CCBE1: variants seen among roughly 807,000 people sequenced by gnomAD.
CCBE1 encodes collagen and calcium binding EGF domains 1, also known as collagen and calcium-binding EGF domain-containing protein 1.
Under a neutral mutation model 50.0 loss-of-function variants are expected in CCBE1, and 37 were observed. The ratio of observed to expected loss-of-function variants is 0.74; its 90% CI spans 0.57 to 0.97. The LOEUF is 0.97. Ranked by LOEUF, CCBE1 falls within the 50% of genes least tolerant of loss-of-function variation. The pLI is 0.00. For synonymous variants in CCBE1, 234 were observed against 203.7 expected (o/e 1.15, Z -1.27); for missense variants, 538 against 523.8 (o/e 1.03, Z -0.26).
At chr18:59,515,184 A>T (rs529427879) in intron 2 of CCBE1, among the ~76,000 whole-genome samples, 1 of 152,352 alleles carries the variant, frequency 6.6e-6, no homozygotes, top group African/African-American at 2.4e-5. Flanking sequence ...ACACGGTTGC[A>T]ACCTACACGT....
chr18:59,440,426 T>C (rs1032893020), intron 7 of CCBE1, among the ~76,000 whole-genome samples: 2 of 152,252 alleles, frequency 1.3e-5, no homozygotes, highest in Admixed American at 1.3e-4. Flanking sequence ...CTAAAACATC[T>C]GCTAGGCCTT....
intron 2 of CCBE1, among the ~76,000 whole-genome samples, chr18:59,658,740 C>T (rs1394216427): frequency 3.3e-5 from 5 of 151,250 alleles, no homozygotes; most frequent in Admixed American, 6.6e-5. Flanking sequence ...ATTAGCTGAG[C>T]GTGGTAGCGT....
intron 2 of CCBE1, among the ~76,000 whole-genome samples, chr18:59,612,330 G>GAAAAAA (rs5825351): frequency 1.5e-5 from 2 of 130,692 alleles, no homozygotes; most frequent in African/African-American, 2.9e-5. Flanking sequence ...AGAAAAAAAA[G>GAAAAAA]AAAAAAAAAA....
chr18:59,658,647 C>T (rs570889197), intron 2 of CCBE1, among the ~76,000 whole-genome samples: 38 of 150,026 alleles, frequency 2.5e-4, no homozygotes, highest in Middle Eastern at 6.8e-3. Context: ...TTTGGGAGGC[C>T]GAGGCAGGCA....
chr18:59,622,808 AAAAG>A (rs2053730545), intron 2 of CCBE1, among the ~76,000 whole-genome samples: 2 of 131,914 alleles, frequency 1.5e-5, no homozygotes, highest in Admixed American at 7.8e-5. Context: ...TCTCAAAAAA[AAAAG>A]AAAGAAAAAG....
At chr18:59,654,487 G>A (rs983165599) in intron 2 of CCBE1, among the ~76,000 whole-genome samples, 4 of 152,074 alleles carry the variant, frequency 2.6e-5, no homozygotes, top group Admixed American at 6.6e-5. Context: ...AGCTGGATGT[G>A]GTGGCACACA....
At chr18:59,595,678 A>G (rs2053340377) in intron 2 of CCBE1, among the ~76,000 whole-genome samples, 1 of 152,250 alleles carries the variant, frequency 6.6e-6, no homozygotes, top group African/African-American at 2.4e-5. Flanking sequence ...TTAAAAGGTA[A>G]ACATGTATGA....
intron 2 of CCBE1, among the ~76,000 whole-genome samples, chr18:59,531,776 C>A (rs1306685496): frequency 1.3e-5 from 2 of 152,088 alleles, no homozygotes; most frequent in African/African-American, 2.4e-5. Flanking sequence ...CTCCTGCAAG[C>A]CTACAGATCA....
At chr18:59,441,749 A>C (rs766355137) in intron 7 of CCBE1, among the ~76,000 whole-genome samples, 2 of 152,234 alleles carry the variant, frequency 1.3e-5, no homozygotes, top group Non-Finnish European at 2.9e-5. Context: ...TCATCAACAG[A>C]CTGCTCCCAG....
intron 2 of CCBE1, among the ~76,000 whole-genome samples, chr18:59,540,518 C>T (rs77702116): frequency 0.011 from 1,740 of 152,210 alleles, 24 homozygotes; most frequent in South Asian, 0.051. Flanking sequence ...GTGTTGCTGT[C>T]ATTCTATTTT....
At chr18:59,554,532 T>C (rs2052627908) in intron 2 of CCBE1, among the ~76,000 whole-genome samples, 1 of 152,146 alleles carries the variant, frequency 6.6e-6, no homozygotes, top group Non-Finnish European at 1.5e-5. Context: ...ATAGCTATAT[T>C]GTATTGACTG....
chr18:59,630,687 C>T (rs1479281569), intron 2 of CCBE1, among the ~76,000 whole-genome samples: 1 of 152,176 alleles, frequency 6.6e-6, no homozygotes, highest in Admixed American at 6.5e-5. Context: ...TCAGGTTGAA[C>T]CTCCTAAGTG....
At chr18:59,473,585 C>T (rs1322567380) in intron 3 of CCBE1, among the ~76,000 whole-genome samples, 4 of 588 alleles carry the variant, frequency 6.8e-3, no homozygotes, top group South Asian at 0.071. Context: ...TTTTTTTTTC[C>T]CTATTGTTAA....
chr18:59,694,461 C>G (rs753818157), intron 2 of CCBE1, among the ~76,000 whole-genome samples: 10 of 152,186 alleles, frequency 6.6e-5, no homozygotes, highest in Non-Finnish European at 1.0e-4. Context: ...CTCCATGCTC[C>G]TTTAAGGATC....
At chr18:59,467,587 CT>C (rs1911811407) in intron 4 of CCBE1, among the ~76,000 whole-genome samples, 1 of 152,196 alleles carries the variant, frequency 6.6e-6, no homozygotes, top group Non-Finnish European at 1.5e-5. Context: ...CCCATGTTAA[CT>C]ATGCACATCA....
intron 2 of CCBE1, among the ~76,000 whole-genome samples, chr18:59,673,442 C>T (rs2054460614): frequency 6.6e-6 from 1 of 152,144 alleles, no homozygotes; most frequent in Non-Finnish European, 1.5e-5. Context: ...CAGAGTGAGA[C>T]TCCATCTCAA....
At chr18:59,692,783 C>T (rs888384684) in intron 2 of CCBE1, among the ~76,000 whole-genome samples, 4 of 152,144 alleles carry the variant, frequency 2.6e-5, no homozygotes, top group Non-Finnish European at 5.9e-5. Flanking sequence ...AGAACACTGC[C>T]TCATGAGACA....
intron 2 of CCBE1, among the ~76,000 whole-genome samples, chr18:59,684,448 CA>C (rs200974142): frequency 4.2e-4 from 62 of 146,890 alleles, no homozygotes; most frequent in East Asian, 2.0e-3. Flanking sequence ...GACTCTGTCT[CA>C]AAAAAAAAAA....
chr18:59,636,510 T>C (rs2053919021), intron 2 of CCBE1, among the ~76,000 whole-genome samples: 1 of 152,170 alleles, frequency 6.6e-6, no homozygotes, highest in African/African-American at 2.4e-5. Context: ...AATTCACACA[T>C]AAAGATCCAA....
Sources: gnomAD v4.1 joint callset for allele counts (sites outside exome capture counted in the v4.1 genomes callset) on GRCh38, gnomAD v4.1.1 for gene constraint, MANE v1.5 for transcripts, NCBI Gene and HGNC (gene_info 2026-07-23, HGNC 2026-07-21) for gene names.